Variants in KIF13A observed in about 807,000 individuals in gnomAD.
The protein encoded by KIF13A is kinesin family member 13A, also known as kinesin-like protein KIF13A.
Under a neutral mutation model 212.2 loss-of-function variants are expected in KIF13A, and 79 were observed. The observed-to-expected ratio is 0.37, with a 90% CI of 0.31 to 0.45. The LOEUF is 0.45. KIF13A is among the 20% of genes least tolerant of loss of function. The pLI is 1.00. For missense variants in KIF13A, 1,901 were observed against 2,209.0 expected, an observed-to-expected ratio of 0.86 and a Z score of 2.79; for synonymous variants, 789 against 808.6, an observed-to-expected ratio of 0.98 and a Z score of 0.41.
In KIF13A at chr6:17,785,623, A is replaced by C; in HGVS notation, c.3380T>G (p.Val1127Gly). 2 of 1,605,888 alleles carry C rather than the reference A, an allele frequency of 1.2e-6. No individual in the cohort carries two copies. The highest frequency in any genetic ancestry group is 8.5e-7 in the Non-Finnish European group (1 of 1,176,382). Residue 1127 changes from valine to glycine, a missense_variant, in exon 28 of 39, where the codon GTG (valine) becomes GGG (glycine). This residue lies in a region of KIF13A where 168 missense variants were observed against 250.9 expected (regional missense o/e 0.67). Transcript: ENST00000259711. The surrounding 1 kb of genome is among the most constrained non-coding windows in gnomAD (Gnocchi z 5.8). ...SNKTEKTEDD[V>G]EREAQLVEQW... Reference sequence around the variant, plus strand: ...CTCCACAAGCTGGGCTTCCCGCTCCACATCGTCCTCTGTTTTCTCTGCAGA... The same window carrying C: ...CTCCACAAGCTGGGCTTCCCGCTCCCCATCGTCCTCTGTTTTCTCTGCAGA...
intron 2 of KIF13A, among the ~76,000 whole-genome samples, chr6:17,960,232 C>T (rs1229441022): frequency 6.6e-6 from 1 of 151,982 alleles, no homozygotes; most frequent in Non-Finnish European, 1.5e-5. Context: ...GAAAATCACT[C>T]TTTAGTAACT....
Position 17,794,495 on chromosome 6 carries a change from A to T in KIF13A, c.3075+77T>A, listed in dbSNP as rs972450659. On this transcript the variant is annotated intron_variant, in intron 24 of 38. Transcript: ENST00000259711. The surrounding 1 kb of genome is among the most constrained non-coding windows in gnomAD (Gnocchi z 4.1). ...TTAGAGAATAAAGATACAAATAGTT[A>T]GAAAATCCCCAGAAACAATGTGTAA... The T allele has an allele frequency of 6.4e-7, 1 of 1,557,934 alleles. No homozygotes were observed. The highest frequency in any genetic ancestry group is 1.4e-5 in the African/African-American group (1 of 72,594).
rs559631844 is a variant in KIF13A at position 17,984,608 on chromosome 6, G to A, written c.146+2446C>T. On this transcript the variant is annotated intron_variant, in intron 2 of 38. Transcript: ENST00000259711. The surrounding 1 kb of genome is among the most constrained non-coding windows in gnomAD (Gnocchi z 5.0). ...CTGTTTTTTTTTTTTTTCCCTGGACGTCAATGCATTCTCACTTGTTTTTAC... is the reference window on the plus strand; with the variant it reads ...CTGTTTTTTTTTTTTTTCCCTGGACATCAATGCATTCTCACTTGTTTTTAC... 9.7e-5 allele frequency: 86 copies of A among 887,596 alleles called. No homozygotes were observed. The highest frequency in any genetic ancestry group is 1.3e-4 in the Admixed American group (2 of 15,872). 55.0% of individuals were successfully genotyped at this position (887,596 alleles called of 1,614,324 possible).
downstream of KIF13A, chr6:17,759,600 G>C (rs1758498537): frequency 6.6e-6 from 1 of 152,188 alleles, no homozygotes; most frequent in Non-Finnish European, 1.5e-5. Flanking sequence ...AAGGAATTTT[G>C]TAAAAATTTC....
At position 17,849,309 on chromosome 6, in the gene KIF13A, C is replaced by T; in HGVS notation, c.830+68G>A. 9.2e-7 allele frequency: 1 copy of T among 1,092,856 alleles called. No homozygotes were observed. The highest frequency in any genetic ancestry group is 1.4e-6 in the Non-Finnish European group (1 of 733,448). 67.7% of individuals were successfully genotyped at this position (1,092,856 alleles called of 1,614,324 possible). On this transcript the variant is annotated intron_variant, in intron 9 of 38. Transcript: ENST00000259711. The surrounding 1 kb of genome is among the most constrained non-coding windows in gnomAD (Gnocchi z 5.7). ...CAACCTGTACATCAGAACCATCTGACCCTCATAATGCAACAAATCCCCTCC... is the reference window on the plus strand; with the variant it reads ...CAACCTGTACATCAGAACCATCTGATCCTCATAATGCAACAAATCCCCTCC...
intron 3 of KIF13A, among the ~76,000 whole-genome samples, chr6:17,879,077 G>A (rs1191120187): frequency 6.6e-6 from 1 of 152,198 alleles, no homozygotes; most frequent in African/African-American, 2.4e-5. Flanking sequence ...CTCAAAGCAA[G>A]TGAATAGAAA....
intron 3 of KIF13A, among the ~76,000 whole-genome samples, chr6:17,875,846 A>G (rs992901194): frequency 6.6e-6 from 1 of 152,136 alleles, no homozygotes; most frequent in African/African-American, 2.4e-5. Flanking sequence ...GTGTGTTCTA[A>G]GGAACCAGAG....
intron 3 of KIF13A, chr6:17,881,961 A>C: frequency 2.2e-6 from 1 of 454,374 alleles, no homozygotes; most frequent in Non-Finnish European, 4.4e-6. Context: ...GTGCCACTGC[A>C]CTCCAGCCTG....
chr6:17,811,438 G>A lies in KIF13A; in HGVS notation c.2001-2508C>T, dbSNP rs551329638. Among the ~76,000 whole-genome samples the A allele has an allele frequency of 9.2e-5, 14 of 152,216 alleles. No homozygotes were observed. The highest frequency in any genetic ancestry group is 2.1e-4 in the South Asian group (1 of 4,830). ...ATAACTATTAATATATAATCCTAAC[G>A]TTTCCTATTGTTGAATGAAACTGTT... is the stretch of plus-strand genomic sequence containing the variant. On this transcript the variant is annotated intron_variant, in intron 17 of 38. Coordinates refer to ENST00000259711, the MANE Select transcript of KIF13A (RefSeq NM_022113.6). The surrounding 1 kb of genome is among the most constrained non-coding windows in gnomAD (Gnocchi z 6.0).
intron 3 of KIF13A, among the ~76,000 whole-genome samples, chr6:17,896,388 TA>T (rs1451054717): frequency 6.6e-6 from 1 of 152,168 alleles, no homozygotes; most frequent in Non-Finnish European, 1.5e-5. Flanking sequence ...TCGTTTTAAA[TA>T]AAATTTTATT....
chr6:17,805,973 G>T lies in KIF13A; in HGVS notation c.2164-358C>A, dbSNP rs1346578416. On this transcript the variant is annotated intron_variant, in intron 18 of 38. Transcript: ENST00000259711. Reference sequence around the variant, plus strand: ...CTTGCTCTATCATCCAAGCTGCAGTGAAGTGGTATGATCTTAGTGCACTGC... The same window carrying T: ...CTTGCTCTATCATCCAAGCTGCAGTTAAGTGGTATGATCTTAGTGCACTGC... Among the ~76,000 whole-genome samples, 9 of 147,246 alleles carry T rather than the reference G, an allele frequency of 6.1e-5. No homozygotes were observed. The East Asian group carries it at 1.6e-3, about 26-fold the overall frequency.
At chr6:17,851,805 C>G in intron 7 of KIF13A, 150 bp downstream of exon 7, 2 of 420,256 alleles carry the variant, frequency 4.8e-6, no homozygotes, top group Non-Finnish European at 8.5e-6. Flanking sequence ...AGCCCTTTTC[C>G]TCTCTGTTTG....
rs747285601 is a variant in KIF13A, at chr6:17,781,310, A to G, written c.3545-9T>C. ...GGCACTGAGGTCATCCGCTAACCAC[A>G]TCAGGAGCACAGAAAAAACAGTAGG... On this transcript the variant is annotated splice_polypyrimidine_tract_variant and intron_variant, in intron 29 of 38. Coordinates refer to ENST00000259711, the MANE Select transcript of KIF13A (RefSeq NM_022113.6). The G allele has an allele frequency of 6.4e-6, 10 of 1,563,326 alleles. No individual in the cohort carries two copies. In the Admixed American group the frequency reaches 2.1e-4, roughly 33 times the overall value.
At chr6:17,904,750 A>G (rs7748149) in intron 2 of KIF13A, among the ~76,000 whole-genome samples, 80,921 of 152,140 alleles carry the variant, frequency 0.53, 22,632 homozygotes, top group Non-Finnish European at 0.63. Flanking sequence ...TTAGCTACTT[A>G]GAAGTTTGGT....
At chr6:17,887,104 C>A (rs986491457) in intron 3 of KIF13A, among the ~76,000 whole-genome samples, 2 of 145,510 alleles carry the variant, frequency 1.4e-5, no homozygotes, top group African/African-American at 5.0e-5. Context: ...CTTGCTTTGG[C>A]CAATTAAGTA....
rs778641370 is a variant in KIF13A at position 17,828,319 on chromosome 6, T to C, written c.1453A>G (p.Ile485Val). ...DTSQDIQLFG[I>V]GIQPQHCEID... is the part of the protein sequence containing the mutation. The stretch of plus-strand genomic sequence containing the variant: ...TCACAGTGCTGAGGCTGAATTCCTA[T>C]GCCAAAAAGCTGGATATCTTGAGAG... Residue 485 changes from isoleucine (I) to valine (V), a missense_variant, in exon 14 of 39, where the codon ATA becomes GTA. By Grantham distance (29) the Ile-to-Val change is conservative. Transcript: ENST00000259711. The surrounding 1 kb of genome is among the most constrained non-coding windows in gnomAD (Gnocchi z 4.3). 3.1e-6 allele frequency: 5 copies of C among 1,611,426 alleles called. No individual in the cohort carries two copies. The highest frequency in any genetic ancestry group is 4.2e-6 in the Non-Finnish European group (5 of 1,178,714).
At chr6:17,762,991 C>T (rs1220567157), downstream of KIF13A, among the ~76,000 whole-genome samples, 1 of 152,200 alleles carries the variant, frequency 6.6e-6, no homozygotes, top group Non-Finnish European at 1.5e-5. Context: ...CTTTCTAGCT[C>T]TGTCAGTTCT....
rs543822397 is a variant in KIF13A at position 17,808,655 on chromosome 6, T to A, written c.2163+113A>T. The A allele has an allele frequency of 9.6e-6, 9 of 934,204 alleles. No homozygotes were observed. In the East Asian group the frequency reaches 2.5e-4, roughly 26 times the overall value. 57.9% of individuals were successfully genotyped at this position (934,204 alleles called of 1,614,324 possible). On this transcript the variant is annotated intron_variant, in intron 18 of 38. Coordinates refer to ENST00000259711, the MANE Select transcript of KIF13A (RefSeq NM_022113.6). ...GAATGTCTTGAAAAAAATAAACATC[T>A]CTGGCTGATATCAGGATCTCCTCAG...
chr6:17,864,138 C>T (rs1010214441), intron 4 of KIF13A, among the ~76,000 whole-genome samples: 1 of 152,226 alleles, frequency 6.6e-6, no homozygotes, highest in South Asian at 2.1e-4. Flanking sequence ...CTATCCCAGA[C>T]AATCCGAGCA....
Sources: gnomAD v4.1 joint callset for allele counts (sites outside exome capture counted in the v4.1 genomes callset) on GRCh38, gnomAD v4.1.1 for gene constraint, gnomAD v4.1.1 regional missense constraint, Gnocchi (gnomAD v3.1) non-coding constraint, MANE v1.5 for transcripts, NCBI Gene and HGNC (gene_info 2026-07-23, HGNC 2026-07-21) for gene names.